The following TBCE variants were observed in gnomAD, a reference collection of about 807,000 sequenced individuals.
TBCE encodes tubulin folding cofactor E.
In TBCE, 53 loss-of-function variants were observed where a neutral mutation model predicts 77.0. The ratio of observed to expected loss-of-function variants is 0.69; its 90% CI spans 0.55 to 0.87. The LOEUF (loss-of-function observed/expected upper bound fraction) is 0.87. TBCE is among the 40% of genes least tolerant of loss of function. The probability of loss-of-function intolerance (pLI) is 0.00; values close to 1 mark genes in which losing one functional copy is unlikely to be tolerated. For missense variants in TBCE, 624 were observed against 622.4 expected (o/e 1.00, Z -0.03); for synonymous variants, 235 against 241.3 (o/e 0.97, Z 0.24).
chr1:235,409,009 C>CTTTTTTTTTTTTTTTTTTTTTTTT (rs10565716), intron 3 of TBCE, among the ~76,000 whole-genome samples: 1 of 138,626 alleles, frequency 7.2e-6, no homozygotes. Context: ...AACAGCCAAT[C>CTTTTTTTTTTTTTTTTTTTTTTTT]TTTTTTTTTT....
chr1:235,419,653 C>A, intron 5 of TBCE, 92 bp downstream of exon 5: 2 of 1,541,438 alleles, frequency 1.3e-6, no homozygotes, highest in South Asian at 1.1e-5. Context: ...ATTGTCCAGT[C>A]TTGACAACTT....
chr1:235,383,456 T>C (rs1288196799), intron 2 of TBCE, among the ~76,000 whole-genome samples: 2 of 152,174 alleles, frequency 1.3e-5, no homozygotes, highest in African/African-American at 4.8e-5. Context: ...GAGCATGGAA[T>C]GTTCTTCCAT....
At chr1:235,397,847 A>G (rs974957283) in intron 2 of TBCE, among the ~76,000 whole-genome samples, 4 of 152,186 alleles carry the variant, frequency 2.6e-5, no homozygotes, top group Non-Finnish European at 4.4e-5. Flanking sequence ...CTGGTGAGGT[A>G]TACCCTTATA....
chr1:235,435,704 A>T (rs778984741), intron 8 of TBCE, 41 bp from the exon 9 acceptor site: 3 of 1,545,514 alleles, frequency 1.9e-6, no homozygotes, highest in Non-Finnish European at 2.7e-6. Context: ...AAAACAATTA[A>T]GAGATAAATT....
At chr1:235,398,142 C>CTTTTTT (rs11285697) in intron 2 of TBCE, among the ~76,000 whole-genome samples, 1 of 129,742 alleles carries the variant, frequency 7.7e-6, no homozygotes, top group African/African-American at 3.0e-5. Flanking sequence ...TTACTTCTTT[C>CTTTTTT]TTTTTTTTTT....
At chr1:235,408,258 A>G (rs1434139081) in intron 3 of TBCE, among the ~76,000 whole-genome samples, 1 of 152,250 alleles carries the variant, frequency 6.6e-6, no homozygotes, top group Non-Finnish European at 1.5e-5. Flanking sequence ...GTGTGCCTGT[A>G]TCAAAATATT....
intron 1 of TBCE, among the ~76,000 whole-genome samples, chr1:235,373,233 C>T (rs1259131348): frequency 1.3e-5 from 2 of 152,030 alleles, no homozygotes; most frequent in African/African-American, 4.8e-5. Flanking sequence ...ATTCTGCTTA[C>T]ATGTTAATGA....
Position 235,374,297 on chromosome 1 carries a change from G to A in TBCE, c.-31-5722G>A, listed in dbSNP as rs1015193484. The stretch of plus-strand genomic sequence containing the variant: ...TGCTTTTCAGACCATTGTACCCCAC[G>A]TGCAGGTCAGGCCACATCTGGAATG... On this transcript the variant is annotated intron_variant, in intron 1 of 16. Coordinates refer to ENST00000642610, the MANE Select transcript of TBCE (RefSeq NM_003193.5). Among the ~76,000 whole-genome samples the A allele has an allele frequency of 1.8e-4, 27 of 145,950 alleles. 3 individuals are homozygous for A. The highest frequency in any genetic ancestry group is 6.9e-4 in the African/African-American group (26 of 37,882).
At chr1:235,446,539 T>A (rs750714701) in intron 15 of TBCE, among the ~76,000 whole-genome samples, 5 of 152,210 alleles carry the variant, frequency 3.3e-5, no homozygotes, top group Admixed American at 6.5e-5. Context: ...ACCTCTCAAA[T>A]TTTTAACACT....
At chr1:235,393,721 G>A (rs1419100604) in intron 2 of TBCE, among the ~76,000 whole-genome samples, 1 of 152,044 alleles carries the variant, frequency 6.6e-6, no homozygotes, top group Non-Finnish European at 1.5e-5. Flanking sequence ...CAGCAGTGAT[G>A]TTCTTTTAGC....
intron 4 of TBCE, chr1:235,416,201 A>G (rs1680105643): frequency 6.6e-6 from 1 of 150,486 alleles, no homozygotes; most frequent in African/African-American, 2.4e-5. Context: ...AAAAAGACGT[A>G]ACTATCATGA....
chr1:235,435,853 T>A lies in TBCE; in HGVS notation c.833+13T>A. ...CCCACCTGCCCAGGTAATTTGCCCC[T>A]AAATGCCTGATACAATAGTGTTCAG... is the stretch of plus-strand genomic sequence containing the variant. On this transcript the variant is annotated intron_variant, in intron 9 of 16. Coordinates refer to ENST00000642610, the MANE Select transcript of TBCE (RefSeq NM_003193.5). 1 of 1,604,988 alleles carries A rather than the reference T, an allele frequency of 6.2e-7. No homozygotes were observed. The highest frequency in any genetic ancestry group is 1.1e-5 in the South Asian group (1 of 90,882).
chr1:235,409,381 A>G (rs1272260381), intron 3 of TBCE, among the ~76,000 whole-genome samples: 1 of 152,132 alleles, frequency 6.6e-6, no homozygotes, highest in Non-Finnish European at 1.5e-5. Flanking sequence ...GTTTGGATAC[A>G]GTTTCTTAAT....
At chr1:235,395,194 A>T (rs570183787) in intron 2 of TBCE, among the ~76,000 whole-genome samples, 5 of 152,128 alleles carry the variant, frequency 3.3e-5, no homozygotes, top group Non-Finnish European at 5.9e-5. Flanking sequence ...AAGGAGGATG[A>T]TTTCTGGATT....
chr1:235,416,875 C>G (rs943314476), intron 4 of TBCE, among the ~76,000 whole-genome samples: 1 of 152,146 alleles, frequency 6.6e-6, no homozygotes, highest in Non-Finnish European at 1.5e-5. Context: ...TGGGTTCAGC[C>G]GCCAGCTAAG....
At chr1:235,378,769 G>A (rs537328534) in intron 1 of TBCE, among the ~76,000 whole-genome samples, 34 of 152,284 alleles carry the variant, frequency 2.2e-4, no homozygotes, top group African/African-American at 7.9e-4. Flanking sequence ...GCTGTGGCAG[G>A]AGAATTGCTT....
intron 9 of TBCE, 70 bp from the exon 10 acceptor site, chr1:235,436,316 C>G: frequency 6.8e-7 from 1 of 1,475,172 alleles, no homozygotes; most frequent in Non-Finnish European, 9.5e-7. Context: ...ATTTACAAAC[C>G]GAGTCTGGTT....
intron 11 of TBCE, 124 bp from the exon 12 acceptor site, chr1:235,437,198 T>C: frequency 8.8e-7 from 1 of 1,137,230 alleles, no homozygotes; most frequent in East Asian, 2.5e-5. Flanking sequence ...GATTGCTTAG[T>C]GCATGATGAA....
chr1:235,395,548 CTT>C (rs71174424), intron 2 of TBCE, among the ~76,000 whole-genome samples: 17 of 138,346 alleles, frequency 1.2e-4, no homozygotes, highest in Non-Finnish European at 1.4e-4. Flanking sequence ...TCTTCTTCTT[CTT>C]TTTTTTTTTT....
Sources: gnomAD v4.1 joint callset for allele counts (sites outside exome capture counted in the v4.1 genomes callset) on GRCh38, gnomAD v4.1.1 for gene constraint, MANE v1.5 for transcripts, NCBI Gene and HGNC (gene_info 2026-07-23, HGNC 2026-07-21) for gene names.